TACC2: variants seen among roughly 807,000 people sequenced by gnomAD.
TACC2 encodes transforming acidic coiled-coil-containing protein 2.
A neutral mutation model predicts 227.3 loss-of-function variants in TACC2; 137 were observed. The ratio of observed to expected loss-of-function variants is 0.60; its 90% CI spans 0.52 to 0.69. The LOEUF is 0.69. Among genes scored for constraint, TACC2 ranks in the 30% least tolerant of loss-of-function variants. TACC2 has a pLI of 0.00. For missense variants in TACC2, 3,470 were observed against 3,694.4 expected, an observed-to-expected ratio of 0.94 and a Z score of 1.57; for synonymous variants, 1,523 against 1,487.5, an observed-to-expected ratio of 1.02 and a Z score of -0.55.
chr10:122,248,127 A>G (rs963356437), intron 19 of TACC2: 1 of 155,238 alleles, frequency 6.4e-6, no homozygotes. Flanking sequence ...GCCTGCGTGA[A>G]TGGAATTTCA....
chr10:122,123,300 T>A (rs913433194), intron 5 of TACC2, among the ~76,000 whole-genome samples: 1 of 152,164 alleles, frequency 6.6e-6, no homozygotes, highest in African/African-American at 2.4e-5. Flanking sequence ...CCACCGCGCC[T>A]GGCCTGGTCT....
intron 5 of TACC2, among the ~76,000 whole-genome samples, chr10:122,123,481 C>T (rs1006054518): frequency 1.3e-5 from 2 of 152,206 alleles, no homozygotes; most frequent in East Asian, 1.9e-4. Flanking sequence ...CCTTTCAAAG[C>T]GCAGCTGGGG....
intron 7 of TACC2, among the ~76,000 whole-genome samples, chr10:122,176,095 CTCTCTCTCTCTCTCTCTCTCTCTATA>C (rs1309893958): frequency 0.011 from 954 of 83,470 alleles, 5 homozygotes; most frequent in African/African-American, 0.038. Context: ...CTCTCTCTCT[CTCTCTCTCTCTCTCTCTCTCTCTATA>C]TATATATATA....
chr10:122,132,372 C>G (rs1162633990), intron 5 of TACC2, among the ~76,000 whole-genome samples: 2 of 152,188 alleles, frequency 1.3e-5, no homozygotes, highest in Admixed American at 1.3e-4. Flanking sequence ...ATGGTGAAAC[C>G]CGATCTCTAC....
chr10:122,230,489 C>G, intron 16 of TACC2, 49 bp downstream of exon 16: 1 of 1,533,164 alleles, frequency 6.5e-7, no homozygotes, highest in Non-Finnish European at 9.0e-7. Flanking sequence ...GTCATGTGTG[C>G]CGCTGGGGTC....
intron 5 of TACC2, among the ~76,000 whole-genome samples, chr10:122,115,107 T>C (rs538265726): frequency 6.6e-6 from 1 of 152,364 alleles, no homozygotes; most frequent in Admixed American, 6.5e-5. Context: ...TTCGGCTTTG[T>C]ATCCTGGTTA....
At chr10:122,060,740 C>CA (rs2076694417) in intron 3 of TACC2, among the ~76,000 whole-genome samples, 1 of 152,198 alleles carries the variant, frequency 6.6e-6, no homozygotes, top group Non-Finnish European at 1.5e-5. Context: ...TGCGGTGGCT[C>CA]ATGTCTGTAA....
At chr10:122,244,305 C>T (rs1226251414) in intron 19 of TACC2, among the ~76,000 whole-genome samples, 1 of 152,224 alleles carries the variant, frequency 6.6e-6, no homozygotes, top group Non-Finnish European at 1.5e-5. Flanking sequence ...TCCAGTGTCC[C>T]TGGCTGGGAG....
intron 9 of TACC2, among the ~76,000 whole-genome samples, chr10:122,212,512 GC>G (rs1027257975): frequency 3.3e-5 from 5 of 152,108 alleles, no homozygotes; most frequent in African/African-American, 7.2e-5. Flanking sequence ...TTATTCTTTG[GC>G]CCCTGTGGTT....
chr10:122,114,392 AAGC>A (rs2138147481), intron 5 of TACC2, among the ~76,000 whole-genome samples: 1 of 152,304 alleles, frequency 6.6e-6, no homozygotes, highest in South Asian at 2.1e-4. Flanking sequence ...GTTGAATCTT[AAGC>A]AGTGTTTTTA....
intron 3 of TACC2, among the ~76,000 whole-genome samples, chr10:122,065,501 A>G (rs1417546512): frequency 3.3e-5 from 5 of 152,224 alleles, no homozygotes; most frequent in Non-Finnish European, 7.3e-5. Flanking sequence ...GATACTTTGT[A>G]TAATTTGAAT....
In TACC2 at chr10:122,123,810, T is replaced by TTTA. The variant is rs1491269446; in HGVS notation, c.5574-8797_5574-8796insATT. On this transcript the variant is annotated intron_variant, in intron 5 of 22. Coordinates refer to ENST00000369005, the MANE Select transcript of TACC2 (RefSeq NM_206862.4). ...CTTGAGTTGGGTTGCTGTAGAGTCA[T>TTTA]TTTTTTTTTTTTTTTTTTTTGAGGC... Among the ~76,000 whole-genome samples, 7 of 14,872 alleles carry TTTA rather than the reference T, an allele frequency of 4.7e-4. No individual in the cohort carries two copies. The East Asian group carries it at 0.021, about 44-fold the overall frequency. The allele number at this position is 14,872 out of a possible 152,430, so 9.8% of individuals were successfully genotyped here.
At chr10:122,191,563 C>T (rs908422816) in intron 7 of TACC2, among the ~76,000 whole-genome samples, 6 of 152,004 alleles carry the variant, frequency 3.9e-5, no homozygotes, top group Non-Finnish European at 8.8e-5. Flanking sequence ...AGAAAATTTA[C>T]GAATTTATGT....
intron 3 of TACC2, among the ~76,000 whole-genome samples, chr10:122,068,949 C>T (rs2077704245): frequency 7.1e-6 from 1 of 140,712 alleles, no homozygotes; most frequent in African/African-American, 2.7e-5. Context: ...CCACCCGCCT[C>T]AGCCTCCCAA....
At chr10:122,103,117 T>C (rs536000069) in intron 5 of TACC2, among the ~76,000 whole-genome samples, 1 of 152,148 alleles carries the variant, frequency 6.6e-6, no homozygotes. Flanking sequence ...AGAAGGAAAG[T>C]TCCTCAGAGT....
At chr10:122,088,645 A>G (rs1792331639) in intron 5 of TACC2, 54 bp downstream of exon 5, 6 of 1,583,788 alleles carry the variant, frequency 3.8e-6, no homozygotes, top group Non-Finnish European at 5.2e-6. Flanking sequence ...TTAGATACAG[A>G]CACACTGGAT....
chr10:122,055,911 C>T (rs982963563), intron 3 of TACC2, among the ~76,000 whole-genome samples: 7 of 152,120 alleles, frequency 4.6e-5, no homozygotes, highest in Admixed American at 1.3e-4. Flanking sequence ...TCTTGGTCAG[C>T]GGGGATGGCA....
At chr10:122,171,151 A>G (rs1488615595) in intron 7 of TACC2, among the ~76,000 whole-genome samples, 1 of 152,080 alleles carries the variant, frequency 6.6e-6, no homozygotes, top group Non-Finnish European at 1.5e-5. Flanking sequence ...CTGTGCAATA[A>G]ATCCGGTGGG....
At chr10:122,167,060 C>T (rs996410989) in intron 7 of TACC2, among the ~76,000 whole-genome samples, 8 of 152,198 alleles carry the variant, frequency 5.3e-5, no homozygotes, top group Admixed American at 2.0e-4. Flanking sequence ...TGGAGACCCC[C>T]GTTTCAGGGG....
Sources: gnomAD v4.1 joint callset for allele counts (sites outside exome capture counted in the v4.1 genomes callset) on GRCh38, gnomAD v4.1.1 for gene constraint, MANE v1.5 for transcripts, NCBI Gene and HGNC (gene_info 2026-07-23, HGNC 2026-07-21) for gene names.